Variants in SPOCK1 observed in about 807,000 individuals in gnomAD.
The protein encoded by SPOCK1 is SPARC (osteonectin), cwcv and kazal like domains proteoglycan 1.
A neutral mutation model predicts 55.3 loss-of-function variants in SPOCK1; 23 were observed. The ratio of observed to expected loss-of-function variants is 0.42; its 90% CI spans 0.30 to 0.59. The LOEUF (loss-of-function observed/expected upper bound fraction) is 0.59, where lower values mean the gene tolerates loss of function less well. SPOCK1 is among the 20% of genes least tolerant of loss of function. SPOCK1 has a pLI of 0.22. For synonymous variants in SPOCK1, 226 were observed against 221.0 expected (o/e 1.02, Z -0.20); for missense variants, 499 against 552.5 (o/e 0.90, Z 0.97).
At chr5:137,096,348 G>A (rs1471246963) in intron 5 of SPOCK1, among the ~76,000 whole-genome samples, 1 of 151,676 alleles carries the variant, frequency 6.6e-6, no homozygotes, top group Admixed American at 6.6e-5. Context: ...AACCACTTCT[G>A]AGTGAGGTAC....
intron 7 of SPOCK1, 90 bp from the exon 8 acceptor site, chr5:136,988,733 A>G: frequency 8.4e-7 from 1 of 1,196,642 alleles, no homozygotes; most frequent in Non-Finnish European, 1.2e-6. Flanking sequence ...AGAAGATGCC[A>G]AGGCCCACCT....
chr5:137,221,758 G>A (rs890004035), intron 3 of SPOCK1, among the ~76,000 whole-genome samples: 2 of 152,196 alleles, frequency 1.3e-5, no homozygotes, highest in African/African-American at 4.8e-5. Context: ...AAAAGTAAGT[G>A]TGAATGTCAA....
intron 10 of SPOCK1, 98 bp from the exon 11 acceptor site, chr5:136,978,942 G>C (rs1372341114): frequency 3.1e-6 from 4 of 1,310,778 alleles, no homozygotes; most frequent in Non-Finnish European, 4.1e-6. Flanking sequence ...AAACCAAGCA[G>C]TTTACTTTCT....
chr5:137,395,202 C>T lies in SPOCK1; in HGVS notation c.186+103171G>A, dbSNP rs192327005. The stretch of plus-strand genomic sequence containing the variant: ...TGTAGCTTTACTGGATTTTGTTGCC[C>T]GCAGACCACAATGTTTTGTAAGGGT... On this transcript the variant is annotated intron_variant, in intron 2 of 10. Transcript: ENST00000394945. 9.2e-5 allele frequency among the ~76,000 whole-genome samples: 14 copies of T among 152,262 alleles called. No individual in the cohort carries two copies. The East Asian group carries it at 1.9e-3, about 21-fold the overall frequency.
intron 2 of SPOCK1, among the ~76,000 whole-genome samples, chr5:137,482,720 A>T (rs1396942578): frequency 6.6e-6 from 1 of 152,234 alleles, no homozygotes; most frequent in African/African-American, 2.4e-5. Context: ...AACAAGGATC[A>T]TCGCGTTGGA....
At chr5:137,329,574 G>A (rs1758134873) in intron 2 of SPOCK1, among the ~76,000 whole-genome samples, 1 of 152,094 alleles carries the variant, frequency 6.6e-6, no homozygotes, top group Non-Finnish European at 1.5e-5. Flanking sequence ...AAATTTTAGA[G>A]GAATGTCCAA....
At chr5:137,313,417 A>G in intron 2 of SPOCK1, 2 of 985,440 alleles carry the variant, frequency 2.0e-6, no homozygotes, top group Non-Finnish European at 2.4e-6. Context: ...TTGCTTCAGA[A>G]AGTGTCTTAC....
intron 4 of SPOCK1, among the ~76,000 whole-genome samples, chr5:137,122,255 ACG>A (rs1554098651): frequency 0.013 from 1,418 of 109,578 alleles, 9 homozygotes; most frequent in Admixed American, 0.017. Context: ...ACACACACAC[ACG>A]CACACACACA....
chr5:137,011,807 GTCTGCAGGT>G (rs1751356209), intron 6 of SPOCK1, among the ~76,000 whole-genome samples: 1 of 152,112 alleles, frequency 6.6e-6, no homozygotes, highest in Admixed American at 6.5e-5. Context: ...TGGTTCATTT[GTCTGCAGGT>G]GCTGCACCTA....
intron 5 of SPOCK1, among the ~76,000 whole-genome samples, chr5:137,111,057 C>T (rs1753460824): frequency 6.6e-6 from 1 of 152,000 alleles, no homozygotes; most frequent in African/African-American, 2.4e-5. Context: ...GATATATGAC[C>T]CGTGCATCAC....
chr5:137,082,747 A>C (rs889680497), intron 5 of SPOCK1, among the ~76,000 whole-genome samples: 1 of 152,206 alleles, frequency 6.6e-6, no homozygotes, highest in Non-Finnish European at 1.5e-5. Flanking sequence ...CAGAGGCCTA[A>C]GCAAAGTGGG....
In SPOCK1 at chr5:137,498,358, G is replaced by A. The variant is rs1477148369; in HGVS notation, c.186+15C>T. The A allele has an allele frequency of 1.9e-6, 3 of 1,570,504 alleles. No individual in the cohort carries two copies. Among genetic ancestry groups the A allele is most frequent in the African/African-American group, 2.7e-5 (2 of 72,852 alleles). On this transcript the variant is annotated intron_variant, in intron 2 of 10. Coordinates refer to ENST00000394945, the MANE Select transcript of SPOCK1 (RefSeq NM_004598.4). ...GGCTCCGCGCCCCCCAGGGCCGGGT[G>A]GCGCCGGTACTCACGTCTCGAAAGC... is the stretch of plus-strand genomic sequence containing the variant.
intron 3 of SPOCK1, among the ~76,000 whole-genome samples, chr5:137,239,932 T>C (rs949976007): frequency 2.0e-5 from 3 of 152,174 alleles, no homozygotes; most frequent in African/African-American, 7.2e-5. Flanking sequence ...AAAAAAACTA[T>C]AATAAACCCA....
chr5:137,479,559 C>A (rs374998061), intron 2 of SPOCK1, among the ~76,000 whole-genome samples: 1 of 152,234 alleles, frequency 6.6e-6, no homozygotes, highest in Non-Finnish European at 1.5e-5. Flanking sequence ...ATGTGACCTA[C>A]CTGGCTCTCA....
intron 5 of SPOCK1, among the ~76,000 whole-genome samples, chr5:137,109,028 G>A (rs991122801): frequency 2.6e-5 from 4 of 152,194 alleles, no homozygotes; most frequent in African/African-American, 9.7e-5. Context: ...TGCAGCTCAA[G>A]GTTCACAGGG....
At chr5:137,302,615 TAAATAAATA>T (rs1464499835) in intron 2 of SPOCK1, among the ~76,000 whole-genome samples, 2 of 151,218 alleles carry the variant, frequency 1.3e-5, no homozygotes, top group Non-Finnish European at 2.9e-5. Flanking sequence ...AATAAATAAA[TAAATAAATA>T]AATCAGTTTT....
At chr5:137,381,145 G>A (rs1449132686) in intron 2 of SPOCK1, among the ~76,000 whole-genome samples, 2 of 152,064 alleles carry the variant, frequency 1.3e-5, no homozygotes, top group Non-Finnish European at 2.9e-5. Context: ...ACATCTTAAA[G>A]CTCCAAAATA....
intron 2 of SPOCK1, among the ~76,000 whole-genome samples, chr5:137,453,607 A>C (rs1278994998): frequency 2.6e-5 from 4 of 152,228 alleles, no homozygotes. Flanking sequence ...TTCAGGGAGC[A>C]AAAGGTTTCA....
intron 2 of SPOCK1, among the ~76,000 whole-genome samples, chr5:137,314,551 A>C (rs1170628619): frequency 6.6e-6 from 1 of 152,190 alleles, no homozygotes; most frequent in Admixed American, 6.5e-5. Flanking sequence ...TTTTCAAAAA[A>C]TTAATTAGAA....
Sources: gnomAD v4.1 joint callset for allele counts (sites outside exome capture counted in the v4.1 genomes callset) on GRCh38, gnomAD v4.1.1 for gene constraint, MANE v1.5 for transcripts, NCBI Gene and HGNC (gene_info 2026-07-23, HGNC 2026-07-21) for gene names.